SLIT3: variants seen among roughly 807,000 people sequenced by gnomAD.
The protein encoded by SLIT3 is slit guidance ligand 3.
Under a neutral mutation model 184.0 loss-of-function variants are expected in SLIT3, and 68 were observed. The ratio of observed to expected loss-of-function variants is 0.37; its 90% CI spans 0.30 to 0.45. The LOEUF (loss-of-function observed/expected upper bound fraction) is 0.45. Among genes scored for constraint, SLIT3 ranks in the 20% least tolerant of loss-of-function variants. SLIT3 has a pLI of 1.00. For synonymous variants in SLIT3, 831 were observed against 828.6 expected (o/e 1.00, Z -0.05); for missense variants, 1,707 against 2,026.0 (o/e 0.84, Z 3.02).
At chr5:169,038,448 G>A (rs1391808147) in intron 4 of SLIT3, among the ~76,000 whole-genome samples, 3 of 152,190 alleles carry the variant, frequency 2.0e-5, no homozygotes, top group African/African-American at 2.4e-5. Context: ...TAACATATGT[G>A]TAAATAAGAA....
At chr5:169,212,837 C>G (rs140292670) in intron 3 of SLIT3, among the ~76,000 whole-genome samples, 5,896 of 152,140 alleles carry the variant, frequency 0.039, 176 homozygotes, top group South Asian at 0.15. Context: ...ATAAGGAAGG[C>G]GTCCAGTTTC....
chr5:169,123,172 A>G lies in SLIT3; in HGVS notation c.413+70307T>C, dbSNP rs141219384. ...GTCTGAACAGGATCTAGTTTGAGGT[A>G]CTAAGAAAGGTAAGACTTCAGTTTG... On this transcript the variant is annotated intron_variant, in intron 4 of 35. Coordinates refer to ENST00000519560, the MANE Select transcript of SLIT3 (RefSeq NM_003062.4). Among the ~76,000 whole-genome samples the G allele has an allele frequency of 5.3e-5, 8 of 152,306 alleles. 1 individual carries two copies. Among genetic ancestry groups the G allele is most frequent in the African/African-American group, 1.9e-4 (8 of 41,578 alleles).
At position 169,300,931 on chromosome 5, in the gene SLIT3, T is replaced by G; in HGVS notation, c.-222A>C. 1 of 225,710 alleles carries G rather than the reference T, an allele frequency of 4.4e-6. No homozygotes were observed. The highest frequency in any genetic ancestry group is 2.3e-5 in the African/African-American group (1 of 42,894). 14.0% of individuals were successfully genotyped at this position (225,710 alleles called of 1,614,324 possible). ...GCAGCTCCATCGGCGGGGCCGGCGC[T>G]GCCCCGCTGCGCATCGCTGGGAGTG... On this transcript the variant is annotated 5_prime_UTR_variant, in exon 1 of 36. Coordinates refer to ENST00000519560, the MANE Select transcript of SLIT3 (RefSeq NM_003062.4). The surrounding 1 kb of genome is among the most constrained non-coding windows in gnomAD (Gnocchi z 4.1).
chr5:169,135,745 A>G (rs1378884797), intron 4 of SLIT3, among the ~76,000 whole-genome samples: 1 of 152,332 alleles, frequency 6.6e-6, no homozygotes, highest in South Asian at 2.1e-4. Flanking sequence ...GAACTAGGCA[A>G]TCTCCATGAG....
At chr5:169,080,212 G>GCCAAAGTCAGGGC (rs1006671586) in intron 4 of SLIT3, among the ~76,000 whole-genome samples, 1 of 152,106 alleles carries the variant, frequency 6.6e-6, no homozygotes, top group African/African-American at 2.4e-5. Context: ...GACTAACTAG[G>GCCAAAGTCAGGGC]CCAAAGTCAG....
chr5:169,245,392 T>G (rs1765554865), intron 2 of SLIT3, among the ~76,000 whole-genome samples: 2 of 152,236 alleles, frequency 1.3e-5, no homozygotes, highest in South Asian at 4.1e-4. Flanking sequence ...AAACACTCTG[T>G]ATAAGTGAGT....
intron 4 of SLIT3, among the ~76,000 whole-genome samples, chr5:169,129,089 C>T (rs918700470): frequency 7.2e-5 from 11 of 152,126 alleles, no homozygotes; most frequent in Non-Finnish European, 1.6e-4. Context: ...GCTTGTTCAT[C>T]GAAACCTACA....
chr5:169,297,820 A>G (rs370518155), intron 1 of SLIT3, among the ~76,000 whole-genome samples: 2 of 152,202 alleles, frequency 1.3e-5, no homozygotes, highest in African/African-American at 4.8e-5. Flanking sequence ...GTTTGTTCTC[A>G]AACTCCTAGG....
At position 169,226,908 on chromosome 5, in the gene SLIT3, T is replaced by A. The variant is rs563995697; in HGVS notation, c.341+17797A>T. Reference sequence around the variant, plus strand: ...ATTTTAACATCTGCACCAAAGGGGATGCCTCAATGAGATATATACTAAGGC... The same window carrying A: ...ATTTTAACATCTGCACCAAAGGGGAAGCCTCAATGAGATATATACTAAGGC... On this transcript the variant is annotated intron_variant, in intron 3 of 35. Transcript: ENST00000519560. Among the ~76,000 whole-genome samples the A allele has an allele frequency of 4.0e-5, 6 of 151,560 alleles. No individual in the cohort carries two copies. The South Asian group carries it at 1.2e-3, about 31-fold the overall frequency.
chr5:168,814,417 A>G (rs1757263199), intron 8 of SLIT3, among the ~76,000 whole-genome samples: 1 of 136,410 alleles, frequency 7.3e-6, no homozygotes. Flanking sequence ...AAACAAACAA[A>G]CAAACAAACA....
At chr5:169,114,484 T>C (rs1760573087) in intron 4 of SLIT3, among the ~76,000 whole-genome samples, 2 of 152,192 alleles carry the variant, frequency 1.3e-5, no homozygotes, top group African/African-American at 2.4e-5. Flanking sequence ...GGAACAAGCC[T>C]TAGCAATTAG....
chr5:168,696,983 C>T (rs1455339372), intron 27 of SLIT3, among the ~76,000 whole-genome samples: 1 of 152,162 alleles, frequency 6.6e-6, no homozygotes, highest in Non-Finnish European at 1.5e-5. Context: ...TTGATACATT[C>T]TAGCTACTTG....
intron 4 of SLIT3, among the ~76,000 whole-genome samples, chr5:168,934,345 T>A (rs1185657452): frequency 6.6e-6 from 1 of 152,228 alleles, no homozygotes; most frequent in African/African-American, 2.4e-5. Flanking sequence ...TCTACTTAAA[T>A]AGCCAGTCTT....
chr5:168,890,755 G>C (rs1760424986), intron 4 of SLIT3, among the ~76,000 whole-genome samples: 1 of 152,160 alleles, frequency 6.6e-6, no homozygotes, highest in South Asian at 2.1e-4. Context: ...AAGTACAAGG[G>C]AGTTTCATTT....
intron 4 of SLIT3, among the ~76,000 whole-genome samples, chr5:169,054,236 AG>A (rs1757911188): frequency 1.4e-5 from 2 of 146,970 alleles, no homozygotes; most frequent in African/African-American, 4.9e-5. Flanking sequence ...AAAAAAAAAA[AG>A]GTGGCAATGT....
intron 3 of SLIT3, among the ~76,000 whole-genome samples, chr5:169,212,239 C>G (rs531702604): frequency 6.6e-6 from 1 of 152,344 alleles, no homozygotes; most frequent in African/African-American, 2.4e-5. Flanking sequence ...CTCCCCCCAA[C>G]AGTGTAAGTG....
At chr5:169,074,232 G>T (rs1182106161) in intron 4 of SLIT3, among the ~76,000 whole-genome samples, 1 of 152,130 alleles carries the variant, frequency 6.6e-6, no homozygotes, top group Non-Finnish European at 1.5e-5. Flanking sequence ...ACTGTATTTT[G>T]GGTATTGTTG....
chr5:169,019,868 C>T, intron 4 of SLIT3, among the ~76,000 whole-genome samples: 1 of 152,150 alleles, frequency 6.6e-6, no homozygotes, highest in Non-Finnish European at 1.5e-5. Flanking sequence ...TCACTGCCTC[C>T]AGCAGTGAAA....
At chr5:169,161,449 C>T (rs1489491209) in intron 4 of SLIT3, among the ~76,000 whole-genome samples, 1 of 152,202 alleles carries the variant, frequency 6.6e-6, no homozygotes, top group African/African-American at 2.4e-5. Flanking sequence ...AGCTGCAAAT[C>T]TCTCTTCACT....
Sources: allele counts gnomAD v4.1 joint callset (sites outside exome capture counted in the v4.1 genomes callset), GRCh38; gene constraint gnomAD v4.1.1; non-coding constraint Gnocchi (gnomAD v3.1); transcripts MANE v1.5; gene names NCBI Gene and HGNC (gene_info 2026-07-23, HGNC 2026-07-21).